The following PRDM16 variants were observed in gnomAD, a reference collection of about 807,000 sequenced individuals.
PRDM16 encodes the protein histone-lysine N-methyltransferase PRDM16.
In PRDM16, 23 loss-of-function variants were observed where a neutral mutation model predicts 110.6. The observed-to-expected ratio is 0.21, with a 90% CI of 0.15 to 0.29. PRDM16 has a LOEUF of 0.29. Among genes scored for constraint, PRDM16 ranks in the 10% least tolerant of loss-of-function variants. The pLI, the probability that PRDM16 is intolerant of heterozygous loss-of-function variation, is 1.00. For synonymous variants in PRDM16, 799 were observed against 781.8 expected, an observed-to-expected ratio of 1.02 and a Z score of -0.37; for missense variants, 1,615 against 1,794.3, an observed-to-expected ratio of 0.90 and a Z score of 1.81.
Position 3,185,720 on chromosome 1 carries a change from C to T in PRDM16, c.38-405C>T, listed in dbSNP as rs181471654. ...ATTTCACCATCAGCCAGCCCTGGGT[C>T]AGCCGCCACGCGTGACGGCTTCACC... On this transcript the variant is annotated intron_variant, in intron 1 of 16. Coordinates refer to ENST00000270722, the MANE Select transcript of PRDM16 (RefSeq NM_022114.4). Among the ~76,000 whole-genome samples, 584 of 152,374 alleles carry T rather than the reference C, an allele frequency of 3.8e-3. 7 individuals are homozygous for T. The highest frequency in any genetic ancestry group is 0.013 in the African/African-American group (558 of 41,594).
chr1:3,410,241 C>T (rs1643662236), intron 8 of PRDM16, among the ~76,000 whole-genome samples: 2 of 151,988 alleles, frequency 1.3e-5, no homozygotes, highest in African/African-American at 2.4e-5. Context: ...GCTGGTGATT[C>T]GCTGACAACC....
At chr1:3,337,205 C>T (rs1642178722) in intron 3 of PRDM16, among the ~76,000 whole-genome samples, 1 of 148,030 alleles carries the variant, frequency 6.8e-6, no homozygotes, top group African/African-American at 2.5e-5. Context: ...TGGTGTGAGT[C>T]TCTGTGTGTG....
At chr1:3,138,631 G>C (rs1185608212) in intron 1 of PRDM16, among the ~76,000 whole-genome samples, 2 of 152,364 alleles carry the variant, frequency 1.3e-5, no homozygotes, top group East Asian at 3.9e-4. Context: ...CTGCCATCTT[G>C]TCAGAGCCCC....
chr1:3,238,655 C>G (rs892084994), intron 2 of PRDM16, among the ~76,000 whole-genome samples: 4 of 152,232 alleles, frequency 2.6e-5, no homozygotes, highest in Admixed American at 2.6e-4. Context: ...GCGGGAGCTG[C>G]CAACGGGAAG....
At position 3,412,602 on chromosome 1, in the gene PRDM16, C is replaced by T. The variant is rs1213107052; in HGVS notation, c.2405C>T (p.Pro802Leu). 3.8e-6 allele frequency: 6 copies of T among 1,598,030 alleles called. No homozygotes were observed. Among genetic ancestry groups the T allele is most frequent in the Non-Finnish European group, 4.3e-6 (5 of 1,171,774 alleles). Residue 802 changes from proline (P) to leucine (L), a missense_variant, in exon 9 of 17, where the codon CCG becomes CTG. By Grantham distance (98) the Pro-to-Leu change is moderately conservative. Coordinates refer to ENST00000270722, the MANE Select transcript of PRDM16 (RefSeq NM_022114.4). ...GCCCCCGCATCCGGCGAGGAGCAGC[C>T]GCTGGACCTGAGCATCGGCAGCCGG... is the stretch of plus-strand genomic sequence containing the variant. ...PSAPASGEEQ[P>L]LDLSIGSRAR... is the part of the protein sequence containing the mutation.
At position 3,422,299 on chromosome 1, in the gene PRDM16, A is replaced by G. The variant is rs534446279; in HGVS notation, c.2940-3282A>G. On this transcript the variant is annotated intron_variant, in intron 12 of 16. Transcript: ENST00000270722. The stretch of plus-strand genomic sequence containing the variant: ...GACAGATGGACAGACAGGCAGGCAG[A>G]CAGACAGGCAGACAGACAAGCAGAT... 4.0e-5 allele frequency among the ~76,000 whole-genome samples: 6 copies of G among 150,538 alleles called. 1 individual carries two copies. In the South Asian group the frequency reaches 1.1e-3, roughly 27 times the overall value.
intron 3 of PRDM16, among the ~76,000 whole-genome samples, chr1:3,374,647 A>AGG (rs2100584692): frequency 6.6e-6 from 1 of 152,056 alleles, no homozygotes; most frequent in South Asian, 2.1e-4. Flanking sequence ...CGGAAGGGGG[A>AGG]GGGGGAGCTC....
At chr1:3,096,758 C>G (rs1642410154) in intron 1 of PRDM16, among the ~76,000 whole-genome samples, 1 of 152,154 alleles carries the variant, frequency 6.6e-6, no homozygotes, top group African/African-American at 2.4e-5. Flanking sequence ...CCTACGAGAG[C>G]CGAGCAGGGT....
rs962695798 is a variant in PRDM16, at chr1:3,080,179, T to C, written c.37+10883T>C. Among the ~76,000 whole-genome samples the C allele has an allele frequency of 2.0e-5, 3 of 152,212 alleles. No homozygotes were observed. Among genetic ancestry groups the C allele is most frequent in the Non-Finnish European group, 2.9e-5 (2 of 68,038 alleles). On this transcript the variant is annotated intron_variant, in intron 1 of 16. Coordinates refer to ENST00000270722, the MANE Select transcript of PRDM16 (RefSeq NM_022114.4). This position sits in a 1 kb window ranked among gnomAD's most constrained non-coding sequence, Gnocchi z 5.2. ...GCTTGCATTTAGAAAAATTAGGCCC[T>C]CTTGAAAAATTACAGAATTATGCTG...
chr1:3,319,808 G>C (rs7531499), intron 3 of PRDM16, among the ~76,000 whole-genome samples: 2 of 152,070 alleles, frequency 1.3e-5, no homozygotes, highest in African/African-American at 4.8e-5. Context: ...GCAGGTAGGC[G>C]CTCCTCCCAT....
intron 1 of PRDM16, among the ~76,000 whole-genome samples, chr1:3,126,853 A>T (rs970845580): frequency 6.6e-6 from 1 of 152,190 alleles, no homozygotes; most frequent in Non-Finnish European, 1.5e-5. Context: ...AGCGTTGTAG[A>T]TGGGGCATGG....
intron 3 of PRDM16, among the ~76,000 whole-genome samples, chr1:3,251,611 G>A (rs571076452): frequency 3.5e-3 from 525 of 152,058 alleles, no homozygotes; most frequent in Non-Finnish European, 6.5e-3. Flanking sequence ...CCGAACCGAC[G>A]CCACAGGGTG....
At chr1:3,365,164 C>T (rs778111755) in intron 3 of PRDM16, among the ~76,000 whole-genome samples, 2 of 152,162 alleles carry the variant, frequency 1.3e-5, no homozygotes, top group Non-Finnish European at 2.9e-5. Context: ...GTCGCATGGC[C>T]CCCCGCCTGG....
At chr1:3,270,175 G>A (rs1640407074) in intron 3 of PRDM16, among the ~76,000 whole-genome samples, 1 of 149,206 alleles carries the variant, frequency 6.7e-6, no homozygotes, top group African/African-American at 2.5e-5. Context: ...AATAGTCCTG[G>A]AGGAGGACAG....
intron 3 of PRDM16, among the ~76,000 whole-genome samples, chr1:3,362,896 C>A (rs927170179): frequency 6.6e-6 from 1 of 152,186 alleles, no homozygotes; most frequent in African/African-American, 2.4e-5. Flanking sequence ...CAGCTGGCCC[C>A]AGAACTGTTC....
At chr1:3,087,042 G>A (rs1450023730) in intron 1 of PRDM16, among the ~76,000 whole-genome samples, 2 of 152,198 alleles carry the variant, frequency 1.3e-5, no homozygotes, top group South Asian at 4.1e-4. Context: ...ACAGCGACAT[G>A]CTCGTAGTTC....
At chr1:3,345,262 A>G (rs535705216) in intron 3 of PRDM16, among the ~76,000 whole-genome samples, 1 of 152,316 alleles carries the variant, frequency 6.6e-6, no homozygotes, top group African/African-American at 2.4e-5. Flanking sequence ...CTCTAGTGCT[A>G]TCAAGTTTTT....
At chr1:3,144,843 C>T (rs1036828772) in intron 1 of PRDM16, among the ~76,000 whole-genome samples, 8 of 152,166 alleles carry the variant, frequency 5.3e-5, no homozygotes, top group African/African-American at 1.9e-4. Context: ...CACCTTGGGT[C>T]AGGGGGCCCT....
chr1:3,266,602 G>A (rs1288010673), intron 3 of PRDM16, among the ~76,000 whole-genome samples: 4 of 152,340 alleles, frequency 2.6e-5, no homozygotes, highest in South Asian at 2.1e-4. Flanking sequence ...TCTCGCAGGC[G>A]GGAGGCACGG....
Sources: allele counts gnomAD v4.1 joint callset (sites outside exome capture counted in the v4.1 genomes callset), GRCh38; gene constraint gnomAD v4.1.1; non-coding constraint Gnocchi (gnomAD v3.1); transcripts MANE v1.5; gene names NCBI Gene and HGNC (gene_info 2026-07-23, HGNC 2026-07-21).